The following SNX29 variants were observed in gnomAD, a reference collection of about 807,000 sequenced individuals.
The protein encoded by SNX29 is sorting nexin-29.
Under a neutral mutation model 102.1 loss-of-function variants are expected in SNX29, and 78 were observed. The ratio of observed to expected loss-of-function variants is 0.76; its 90% CI spans 0.64 to 0.92. The LOEUF (loss-of-function observed/expected upper bound fraction) is 0.92. Ranked by LOEUF, SNX29 falls within the 40% of genes least tolerant of loss-of-function variation. The pLI is 0.00. For missense variants in SNX29, 1,280 were observed against 1,061.7 expected, an observed-to-expected ratio of 1.21 and a Z score of -2.86; for synonymous variants, 580 against 414.5, an observed-to-expected ratio of 1.40 and a Z score of -4.85.
At chr16:12,326,291 G>C (rs769895610) in intron 15 of SNX29, among the ~76,000 whole-genome samples, 7 of 151,392 alleles carry the variant, frequency 4.6e-5, no homozygotes, top group Non-Finnish European at 8.8e-5. Flanking sequence ...TGGTATTACA[G>C]GTGTGAGCCC....
At chr16:12,058,013 T>G (rs2050590671) in intron 8 of SNX29, among the ~76,000 whole-genome samples, 1 of 151,946 alleles carries the variant, frequency 6.6e-6, no homozygotes, top group Non-Finnish European at 1.5e-5. Context: ...GAGATGGGGT[T>G]TCACCATGTT....
intron 11 of SNX29, among the ~76,000 whole-genome samples, chr16:12,120,533 C>A (rs994996018): frequency 2.6e-5 from 4 of 152,168 alleles, no homozygotes; most frequent in Admixed American, 6.5e-5. Flanking sequence ...TAATTCCCCC[C>A]CTGGGGGCCT....
At chr16:12,047,155 C>T (rs2050121765) in intron 6 of SNX29, among the ~76,000 whole-genome samples, 1 of 152,188 alleles carries the variant, frequency 6.6e-6, no homozygotes, top group Non-Finnish European at 1.5e-5. Flanking sequence ...CAGCAGTCAT[C>T]TTCATGGGGC....
chr16:12,158,084 CTT>C (rs879385475), intron 13 of SNX29, among the ~76,000 whole-genome samples: 3 of 145,544 alleles, frequency 2.1e-5, no homozygotes, highest in African/African-American at 5.0e-5. Context: ...GTTGCTGCTG[CTT>C]TTTTTTTTTT....
chr16:12,323,218 C>T (rs2657607), intron 15 of SNX29, among the ~76,000 whole-genome samples: 2,467 of 30,204 alleles, frequency 0.082, 194 homozygotes, highest in African/African-American at 0.31. Flanking sequence ...CTGGAGTCAC[C>T]GGGGACCACT....
intron 7 of SNX29, 126 bp from the exon 8 acceptor site, chr16:12,051,721 A>G: frequency 7.4e-7 from 1 of 1,350,132 alleles, no homozygotes; most frequent in Non-Finnish European, 1.0e-6. Flanking sequence ...AAAAAGTCTG[A>G]ATTCATGTTA....
At position 12,246,771 on chromosome 16, in the gene SNX29, C is replaced by G. The variant is rs573512329; in HGVS notation, c.1679-31162C>G. Among the ~76,000 whole-genome samples the G allele has an allele frequency of 6.6e-5, 10 of 152,332 alleles. No individual in the cohort carries two copies. The South Asian group carries it at 2.1e-3, about 32-fold the overall frequency. The stretch of plus-strand genomic sequence containing the variant: ...TTCTTAGAACAATGACCCGGGCCCA[C>G]AGCAGTCACTGGCAATAGTAACAGC... On this transcript the variant is annotated intron_variant, in intron 14 of 20. Coordinates refer to ENST00000566228, the MANE Select transcript of SNX29 (RefSeq NM_032167.5).
At chr16:12,509,866 A>G (rs2089534780) in intron 19 of SNX29, among the ~76,000 whole-genome samples, 1 of 152,200 alleles carries the variant, frequency 6.6e-6, no homozygotes, top group African/African-American at 2.4e-5. Flanking sequence ...AAAGCCCTGT[A>G]TTTATTCCCT....
intron 13 of SNX29, among the ~76,000 whole-genome samples, chr16:12,198,666 C>G (rs545076246): frequency 1.2e-4 from 18 of 152,304 alleles, no homozygotes; most frequent in Non-Finnish European, 2.4e-4. Context: ...GGCGAAGAGT[C>G]CTTGTGGGCC....
Position 12,179,431 on chromosome 16 carries a change from C to A in SNX29, c.1596-20170C>A, listed in dbSNP as rs200975616. Among the ~76,000 whole-genome samples the A allele has an allele frequency of 3.2e-4, 48 of 152,354 alleles. No individual in the cohort carries two copies. The East Asian group carries it at 8.7e-3, about 28-fold the overall frequency. ...GCCCAGGAGTTGGAGGCTGAATGAG[C>A]CATGATGGCGCCACTGTACTCCAGC... On this transcript the variant is annotated intron_variant, in intron 13 of 20. Coordinates refer to ENST00000566228, the MANE Select transcript of SNX29 (RefSeq NM_032167.5).
At chr16:12,363,259 G>A (rs1009710631) in intron 16 of SNX29, among the ~76,000 whole-genome samples, 5 of 152,190 alleles carry the variant, frequency 3.3e-5, no homozygotes, top group East Asian at 1.9e-4. Context: ...AAAGAAGGCC[G>A]TTTCCAGCTC....
At chr16:12,322,021 G>T (rs989288761) in intron 15 of SNX29, among the ~76,000 whole-genome samples, 1 of 152,178 alleles carries the variant, frequency 6.6e-6, no homozygotes, top group Non-Finnish European at 1.5e-5. Context: ...TTCCAGAGGA[G>T]GTTCAGGCTG....
At chr16:12,029,032 C>T (rs955856547) in intron 4 of SNX29, among the ~76,000 whole-genome samples, 4 of 152,114 alleles carry the variant, frequency 2.6e-5, no homozygotes, top group Admixed American at 2.6e-4. Context: ...ACGTGTAAGC[C>T]ACTGCGCCTG....
In SNX29 at chr16:12,013,500, A is replaced by AAAAAAAAAAAAT; in HGVS notation, c.122+10458_122+10459insAAAAAAAAAATA. Among the ~76,000 whole-genome samples, 42 of 31,622 alleles carry AAAAAAAAAAAAT rather than the reference A, an allele frequency of 1.3e-3. 2 individuals carry two copies. Among genetic ancestry groups the AAAAAAAAAAAAT allele is most frequent in the Non-Finnish European group, 2.3e-3 (37 of 16,264 alleles). The allele number at this position is 31,622 out of a possible 152,430, so 20.7% of individuals were successfully genotyped here. On this transcript the variant is annotated intron_variant, in intron 3 of 20. Coordinates refer to ENST00000566228, the MANE Select transcript of SNX29 (RefSeq NM_032167.5). Reference sequence around the variant, plus strand: ...GTCTCTACTGGGGGAAAAAAAAAAAAATATATATATATATATATATATATA... The same window carrying AAAAAAAAAAAAT: ...GTCTCTACTGGGGGAAAAAAAAAAAAAAAAAAAAAAATATATATATATATATATATATATATA...
intron 15 of SNX29, among the ~76,000 whole-genome samples, chr16:12,341,404 C>T (rs1439312672): frequency 6.6e-6 from 1 of 152,248 alleles, no homozygotes; most frequent in East Asian, 1.9e-4. Context: ...TGCCTTTCCT[C>T]AGACTTTCAG....
At chr16:12,450,065 G>T (rs1277637356) in intron 18 of SNX29, among the ~76,000 whole-genome samples, 2 of 152,100 alleles carry the variant, frequency 1.3e-5, no homozygotes, top group African/African-American at 4.8e-5. Flanking sequence ...AACCCCTTTT[G>T]CTTATTCTTG....
chr16:12,007,600 C>G (rs913225132), intron 3 of SNX29, among the ~76,000 whole-genome samples: 7 of 152,168 alleles, frequency 4.6e-5, no homozygotes, highest in African/African-American at 1.7e-4. Context: ...GATGAGTTGC[C>G]TCCCTTCCTC....
At chr16:11,986,194 C>T (rs745415445) in intron 1 of SNX29, among the ~76,000 whole-genome samples, 1 of 151,868 alleles carries the variant, frequency 6.6e-6, no homozygotes, top group Non-Finnish European at 1.5e-5. Flanking sequence ...GGAGTGAGGA[C>T]TCTTTTCCTT....
At chr16:12,459,662 G>T (rs2086694505) in intron 18 of SNX29, among the ~76,000 whole-genome samples, 1 of 152,200 alleles carries the variant, frequency 6.6e-6, no homozygotes, top group African/African-American at 2.4e-5. Flanking sequence ...GGTGGAGAAA[G>T]CAAACTTGCA....
Sources: allele counts gnomAD v4.1 joint callset (sites outside exome capture counted in the v4.1 genomes callset), GRCh38; gene constraint gnomAD v4.1.1; transcripts MANE v1.5; gene names NCBI Gene and HGNC (gene_info 2026-07-23, HGNC 2026-07-21).